The following OR10T2 variants were observed in gnomAD, a reference collection of about 807,000 sequenced individuals.
OR10T2 encodes the protein olfactory receptor 10T2.
For missense variants in OR10T2, 416 were observed against 372.3 expected, an observed-to-expected ratio of 1.12 and a Z score of -0.97; for synonymous variants, 162 against 144.1, an observed-to-expected ratio of 1.12 and a Z score of -0.89.
rs2101637476 is a variant in OR10T2, at chr1:158,398,648, C to T, written c.819G>A (p.Leu273=). 1.2e-6 allele frequency: 2 copies of T among 1,613,998 alleles called. No individual in the cohort carries two copies. Among genetic ancestry groups the T allele is most frequent in the African/African-American group, 2.7e-5 (2 of 74,984 alleles). ...KSKSASDKDQ[L]VAVTYTVVTP... Reference sequence around the variant, plus strand: ...TAACCACTGTGTAGGTCACTGCCACCAACTGATCCTTGTCTGAGGCAGACT... The same window carrying T: ...TAACCACTGTGTAGGTCACTGCCACTAACTGATCCTTGTCTGAGGCAGACT... The change falls in exon 1 of 1, where the codon TTG becomes TTA. Residue 273 remains leucine, a synonymous_variant. Transcript: ENST00000334438.
chr1:158,398,993 C>T lies in OR10T2; in HGVS notation c.474G>A (p.Leu158=), dbSNP rs1404195910. The T allele has an allele frequency of 1.9e-6, 3 of 1,614,048 alleles. No homozygotes were observed. The highest frequency in any genetic ancestry group is 1.6e-4 in the Middle Eastern group (1 of 6,062). The part of the protein sequence containing the change: ...LSGATGFFIA[L]VATNLICDMR... ...TGTCACAAATGAGGTTGGTGGCCAC[C>T]AAAGCAATAAAGAAACCTGTGGCTC... Residue 158 remains leucine (L), a synonymous_variant, in exon 1 of 1, where the codon TTG becomes TTA. Transcript: ENST00000334438.
rs762276449 is a variant in OR10T2 at position 158,399,204 on chromosome 1, G to C, written c.263C>G (p.Ser88Ter). The C allele has an allele frequency of 6.8e-6, 11 of 1,614,176 alleles. No homozygotes were observed. In the South Asian group the frequency reaches 1.2e-4, roughly 18 times the overall value. The part of the protein sequence containing the change: ...IIPQLLVHLL[S>*]DTKTISFMAC... ...CATGAAGGAGATGGTCTTGGTGTCT[G>C]AGAGCAGGTGGACCAGCAGCTGAGG... Residue 88 changes from serine to a stop codon, truncating the protein, a stop_gained, in exon 1 of 1, where the codon TCA becomes TGA. Coordinates refer to ENST00000334438, the MANE Select transcript of OR10T2 (RefSeq NM_001004475.1). LOFTEE classifies it low-confidence loss of function (END_TRUNC).
chr1:158,399,249 C>T lies in OR10T2; in HGVS notation c.218G>A (p.Cys73Tyr), dbSNP rs1654743573. Residue 73 changes from cysteine (C) to tyrosine (Y), a missense_variant, in exon 1 of 1, where the codon TGC (cysteine) becomes TAC (tyrosine). By Grantham distance (194) the Cys-to-Tyr change is radical. Coordinates refer to ENST00000334438, the MANE Select transcript of OR10T2 (RefSeq NM_001004475.1). ...CTGAGGGATGATGACAAAAGTGTAG[C>T]AGGACTCAGAAAATGAAAGGATGAA... ...FLFILSFSESCYTFVIIPQLL... is the reference protein window; with the variant it reads ...FLFILSFSESYYTFVIIPQLL... 6.2e-7 allele frequency: 1 copy of T among 1,613,904 alleles called. No homozygotes were observed. The highest frequency in any genetic ancestry group is 1.3e-5 in the African/African-American group (1 of 74,902).
rs750171265 is a variant in OR10T2 at position 158,399,361 on chromosome 1, A to G, written c.106T>C (p.Tyr36His). 4 of 1,614,102 alleles carry G rather than the reference A, an allele frequency of 2.5e-6. No individual in the cohort carries two copies. Among genetic ancestry groups the G allele is most frequent in the East Asian group, 4.5e-5 (2 of 44,870 alleles). The change falls in exon 1 of 1, where the codon TAC (tyrosine) becomes CAC (histidine). Residue 36 changes from tyrosine to histidine, a missense_variant. Physicochemically the swap from Tyr to His is moderately conservative, Grantham distance 83. Coordinates refer to ENST00000334438, the MANE Select transcript of OR10T2 (RefSeq NM_001004475.1). ...ACATTGGCCACCAGGATTGTCAAGT[A>G]TAGGAGAAGAAAGATGACAAAAAGC... ...LLLFVIFLLL[Y>H]LTILVANVTI... is the part of the protein sequence containing the mutation.
In OR10T2 at chr1:158,398,783, C is replaced by T; in HGVS notation, c.684G>A (p.Lys228=). 6 of 1,614,000 alleles carry T rather than the reference C, an allele frequency of 3.7e-6. No homozygotes were observed. Among genetic ancestry groups the T allele is most frequent in the Non-Finnish European group, 5.1e-6 (6 of 1,179,952 alleles). Residue 228 remains lysine, a synonymous_variant, in exon 1 of 1, where the codon AAG becomes AAA. Transcript: ENST00000334438. ...SYGFIVNTIL[K]IPSAEGKKAF... ...CCTTCTTGCCCTCAGCTGAGGGGAT[C>T]TTCAGGATGGTGTTAACTATGAAGC...
Position 158,399,058 on chromosome 1 carries a change from T to C in OR10T2, c.409A>G (p.Ile137Val), listed in dbSNP as rs745425846. Residue 137 changes from isoleucine (I) to valine (V), a missense_variant, in exon 1 of 1, where the codon ATA becomes GTA. Ile to Val is a conservative substitution (Grantham distance 29). Coordinates refer to ENST00000334438, the MANE Select transcript of OR10T2 (RefSeq NM_001004475.1). ...AACTCCAACCCCAGCCTTTTGTTTATGATGAGTGTGTACCTCAGAGGGTGA... is the reference window on the plus strand; with the variant it reads ...AACTCCAACCCCAGCCTTTTGTTTACGATGAGTGTGTACCTCAGAGGGTGA... ...ICHPLRYTLI[I>V]NKRLGLELIS... 6 of 1,614,032 alleles carry C rather than the reference T, an allele frequency of 3.7e-6. No homozygotes were observed. The African/African-American group carries it at 4.0e-5, about 11-fold the overall frequency.
In OR10T2 at chr1:158,399,218, C is replaced by T. The variant is rs1356582875; in HGVS notation, c.249G>A (p.Leu83=). ...CYTFVIIPQL[L]VHLLSDTKTI... is the part of the protein sequence containing the mutation. ...TCTTGGTGTCTGAGAGCAGGTGGACCAGCAGCTGAGGGATGATGACAAAAG... is the reference window on the plus strand; with the variant it reads ...TCTTGGTGTCTGAGAGCAGGTGGACTAGCAGCTGAGGGATGATGACAAAAG... The change falls in exon 1 of 1, where the codon CTG becomes CTA. Residue 83 remains leucine, a synonymous_variant. Transcript: ENST00000334438. The T allele has an allele frequency of 1.9e-6, 3 of 1,613,946 alleles. No individual in the cohort carries two copies. Among genetic ancestry groups the T allele is most frequent in the South Asian group, 1.1e-5 (1 of 91,080 alleles).
chr1:158,399,226 G>T lies in OR10T2; in HGVS notation c.241C>A (p.Gln81Lys). 6.2e-7 allele frequency: 1 copy of T among 1,614,142 alleles called. No individual in the cohort carries two copies. The highest frequency in any genetic ancestry group is 8.5e-7 in the Non-Finnish European group (1 of 1,179,986). ...TCTGAGAGCAGGTGGACCAGCAGCT[G>T]AGGGATGATGACAAAAGTGTAGCAG... is the stretch of plus-strand genomic sequence containing the variant. ...ESCYTFVIIPQLLVHLLSDTK... is the reference protein window; with the variant it reads ...ESCYTFVIIPKLLVHLLSDTK... Residue 81 changes from glutamine (Q) to lysine (K), a missense_variant, in exon 1 of 1, where the codon CAG (glutamine) becomes AAG (lysine). Physicochemically the swap from Gln to Lys is moderately conservative, Grantham distance 53. Coordinates refer to ENST00000334438, the MANE Select transcript of OR10T2 (RefSeq NM_001004475.1).
chr1:158,399,251 G>A lies in OR10T2; in HGVS notation c.216C>T (p.Ser72=), dbSNP rs139130604. 1,572 of 1,614,054 alleles carry A rather than the reference G, an allele frequency of 9.7e-4. 4 individuals are homozygous for A. Among genetic ancestry groups the A allele is most frequent in the Middle Eastern group, 2.6e-3 (16 of 6,062 alleles). ...GAGGGATGATGACAAAAGTGTAGCA[G>A]GACTCAGAAAATGAAAGGATGAATA... ...GFLFILSFSE[S]CYTFVIIPQL... The change falls in exon 1 of 1, where the codon TCC becomes TCT. Residue 72 remains serine, a synonymous_variant. Coordinates refer to ENST00000334438, the MANE Select transcript of OR10T2 (RefSeq NM_001004475.1).
rs745901143 is a variant in OR10T2, at chr1:158,398,740, A to G, written c.727T>C (p.Ser243Pro). 1 of 1,614,062 alleles carries G rather than the reference A, an allele frequency of 6.2e-7. No individual in the cohort carries two copies. The highest frequency in any genetic ancestry group is 1.1e-5 in the South Asian group (1 of 91,074). Reference protein sequence around the residue: ...EGKKAFVTCASHLTVVFVHYG... With the variant: ...EGKKAFVTCAPHLTVVFVHYG... ...TGGACAAAGACCACAGTGAGATGTGAGGCACAGGTGACAAAGGCCTTCTTG... is the reference window on the plus strand; with the variant it reads ...TGGACAAAGACCACAGTGAGATGTGGGGCACAGGTGACAAAGGCCTTCTTG... Residue 243 changes from serine (S) to proline (P), a missense_variant, in exon 1 of 1, where the codon TCA (serine) becomes CCA (proline). Transcript: ENST00000334438.
In OR10T2 at chr1:158,398,850, A is replaced by G. The variant is rs750532694; in HGVS notation, c.617T>C (p.Leu206Pro). The G allele has an allele frequency of 8.1e-6, 13 of 1,614,184 alleles. No individual in the cohort carries two copies. The South Asian group carries it at 1.3e-4, about 16-fold the overall frequency. The part of the protein sequence containing the change: ...KELALFSLSI[L>P]VIMVPFLLIL... Reference sequence around the variant, plus strand: ...TAACAGAAAAGGCACCATAATTACCAGGATGCTGAGGCTAAATAAAGCCAG... The same window carrying G: ...TAACAGAAAAGGCACCATAATTACCGGGATGCTGAGGCTAAATAAAGCCAG... The change falls in exon 1 of 1, where the codon CTG becomes CCG. Residue 206 changes from leucine (L) to proline (P), a missense_variant. Coordinates refer to ENST00000334438, the MANE Select transcript of OR10T2 (RefSeq NM_001004475.1).
In OR10T2 at chr1:158,399,106, A is replaced by G; in HGVS notation, c.361T>C (p.Tyr121His). The G allele has an allele frequency of 6.2e-7, 1 of 1,614,198 alleles. No individual in the cohort carries two copies. Among genetic ancestry groups the G allele is most frequent in the Non-Finnish European group, 8.5e-7 (1 of 1,180,024 alleles). The stretch of plus-strand genomic sequence containing the variant: ...TGACAAATTGCTACATAGCGATCAT[A>G]TCCCATCACAGCAATGAGGAGGCAG... Reference protein sequence around the residue: ...TNCLLIAVMGYDRYVAICHPL... With the variant: ...TNCLLIAVMGHDRYVAICHPL... Residue 121 changes from tyrosine to histidine, a missense_variant, in exon 1 of 1, where the codon TAT becomes CAT. Physicochemically the swap from Tyr to His is moderately conservative, Grantham distance 83. Transcript: ENST00000334438.
chr1:158,399,308 G>C lies in OR10T2; in HGVS notation c.159C>G (p.Ser53Arg), dbSNP rs200643177. ...NVTIMAVIRF[S>R]WTLHTPMYGF... ...CATACATGGGAGTGTGGAGAGTCCAGCTGAAGCGAATAACGGCCATGATGG... is the reference window on the plus strand; with the variant it reads ...CATACATGGGAGTGTGGAGAGTCCACCTGAAGCGAATAACGGCCATGATGG... Residue 53 changes from serine (S) to arginine (R), a missense_variant, in exon 1 of 1, where the codon AGC becomes AGG. Coordinates refer to ENST00000334438, the MANE Select transcript of OR10T2 (RefSeq NM_001004475.1). 7 of 1,614,094 alleles carry C rather than the reference G, an allele frequency of 4.3e-6. No individual in the cohort carries two copies. The East Asian group carries it at 1.6e-4, about 36-fold the overall frequency.
chr1:158,398,559 C>G lies in OR10T2; in HGVS notation c.908G>C (p.Arg303Thr). The G allele has an allele frequency of 6.2e-7, 1 of 1,608,838 alleles. No homozygotes were observed. The highest frequency in any genetic ancestry group is 8.5e-7 in the Non-Finnish European group (1 of 1,177,460). ...RNKEVKTALK[R>T]VLGMPVATKM... ...GGTTGCCACAGGCATTCCAAGAACT[C>G]TTTTCAATGCAGTTTTTACCTCTTT... Residue 303 changes from arginine to threonine, a missense_variant, in exon 1 of 1, where the codon AGA (arginine) becomes ACA (threonine). By Grantham distance (71) the Arg-to-Thr change is moderately conservative (BLOSUM62 -1). Transcript: ENST00000334438.
chr1:158,398,869 A>T lies in OR10T2; in HGVS notation c.598T>A (p.Leu200Ile), dbSNP rs1402525344. Residue 200 changes from leucine to isoleucine, a missense_variant, in exon 1 of 1, where the codon TTA (leucine) becomes ATA (isoleucine). Physicochemically the swap from Leu to Ile is conservative, Grantham distance 5. Transcript: ENST00000334438. ...ATTACCAGGATGCTGAGGCTAAATA[A>T]AGCCAGCTCTTTCACATGGGTGTCA... is the stretch of plus-strand genomic sequence containing the variant. The part of the protein sequence containing the change: ...CTDTHVKELA[L>I]FSLSILVIMV... 1 of 1,614,010 alleles carries T rather than the reference A, an allele frequency of 6.2e-7. No individual in the cohort carries two copies. The highest frequency in any genetic ancestry group is 1.1e-5 in the South Asian group (1 of 91,082).
Position 158,399,072 on chromosome 1 carries a change from C to A in OR10T2, c.395G>T (p.Arg132Met). ...DRYVAICHPL[R>M]YTLIINKRLG... ...CCTTTTGTTTATGATGAGTGTGTAC[C>A]TCAGAGGGTGACAAATTGCTACATA... Residue 132 changes from arginine (R) to methionine (M), a missense_variant, in exon 1 of 1, where the codon AGG (arginine) becomes ATG (methionine). By Grantham distance (91) the Arg-to-Met change is moderately conservative. Coordinates refer to ENST00000334438, the MANE Select transcript of OR10T2 (RefSeq NM_001004475.1). 6.2e-7 allele frequency: 1 copy of A among 1,614,084 alleles called. No homozygotes were observed.
chr1:158,398,996 A>T lies in OR10T2; in HGVS notation c.471T>A (p.Ala157=), dbSNP rs1197407819. The T allele has an allele frequency of 6.2e-7, 1 of 1,614,114 alleles. No homozygotes were observed. Among genetic ancestry groups the T allele is most frequent in the East Asian group, 2.2e-5 (1 of 44,888 alleles). Residue 157 remains alanine (A), a synonymous_variant, in exon 1 of 1, where the codon GCT becomes GCA. Transcript: ENST00000334438. ...SLSGATGFFI[A]LVATNLICDM... is the part of the protein sequence containing the mutation. ...CACAAATGAGGTTGGTGGCCACCAA[A>T]GCAATAAAGAAACCTGTGGCTCCTG...
chr1:158,399,289 T>C lies in OR10T2; in HGVS notation c.178A>G (p.Met60Val). Residue 60 changes from methionine to valine, a missense_variant, in exon 1 of 1, where the codon ATG (methionine) becomes GTG (valine). By Grantham distance (21) the Met-to-Val change is conservative (BLOSUM62 1). Transcript: ENST00000334438. ...IRFSWTLHTP[M>V]YGFLFILSFS... The stretch of plus-strand genomic sequence containing the variant: ...GAAAGGATGAATAGAAAGCCATACA[T>C]GGGAGTGTGGAGAGTCCAGCTGAAG... 6.2e-7 allele frequency: 1 copy of C among 1,614,030 alleles called. No individual in the cohort carries two copies. The highest frequency in any genetic ancestry group is 8.5e-7 in the Non-Finnish European group (1 of 1,179,996).
Position 158,398,765 on chromosome 1 carries a change from G to T in OR10T2, c.702C>A (p.Gly234=), listed in dbSNP as rs1654728358. ...AGGCACAGGTGACAAAGGCCTTCTT[G>T]CCCTCAGCTGAGGGGATCTTCAGGA... ...NTILKIPSAE[G]KKAFVTCASH... is the part of the protein sequence containing the mutation. The change falls in exon 1 of 1, where the codon GGC becomes GGA. Residue 234 remains glycine (G), a synonymous_variant. Coordinates refer to ENST00000334438, the MANE Select transcript of OR10T2 (RefSeq NM_001004475.1). 1 of 1,614,002 alleles carries T rather than the reference G, an allele frequency of 6.2e-7. No homozygotes were observed. The highest frequency in any genetic ancestry group is 2.2e-5 in the East Asian group (1 of 44,854).
Sources: allele counts gnomAD v4.1 joint callset, GRCh38; gene constraint gnomAD v4.1.1; transcripts MANE v1.5; gene names NCBI Gene and HGNC (gene_info 2026-07-23, HGNC 2026-07-21).